Variants in SPAG16 observed in about 807,000 individuals in gnomAD.
SPAG16 encodes the protein sperm-associated antigen 16 protein.
SPAG16 carries 86 observed loss-of-function variants against 80.4 expected under a neutral mutation model. That is an observed-to-expected ratio of 1.07 (90% CI 0.90 to 1.28). SPAG16 has a LOEUF of 1.28. Among genes scored for constraint, SPAG16 ranks in the 50% most tolerant of loss-of-function variants. SPAG16 has a pLI of 0.00. For synonymous variants in SPAG16, 294 were observed against 265.9 expected (o/e 1.11, Z -1.03); for missense variants, 870 against 765.3 (o/e 1.14, Z -1.61).
At chr2:213,878,518 G>A (rs1355753246) in intron 11 of SPAG16, among the ~76,000 whole-genome samples, 2 of 151,768 alleles carry the variant, frequency 1.3e-5, no homozygotes, top group African/African-American at 2.4e-5. Context: ...TTGTTATTGC[G>A]GAGTTTTTTG....
chr2:213,504,343 A>G (rs1301012349), intron 10 of SPAG16, among the ~76,000 whole-genome samples: 1 of 152,230 alleles, frequency 6.6e-6, no homozygotes, highest in East Asian at 1.9e-4. Flanking sequence ...TATGGTAATA[A>G]AACAAAACAT....
At chr2:214,112,595 G>T (rs563829933) in intron 14 of SPAG16, among the ~76,000 whole-genome samples, 1 of 147,392 alleles carries the variant, frequency 6.8e-6, no homozygotes, top group African/African-American at 2.5e-5. Flanking sequence ...GATCTTTGTT[G>T]GTTTAAAGTC....
chr2:213,748,066 T>A (rs2067913184), intron 10 of SPAG16, among the ~76,000 whole-genome samples: 1 of 152,246 alleles, frequency 6.6e-6, no homozygotes, highest in Non-Finnish European at 1.5e-5. Flanking sequence ...TTTGGATTAT[T>A]TAAAAATGTA....
chr2:214,204,026 T>C (rs113559906), intron 15 of SPAG16, among the ~76,000 whole-genome samples: 1 of 152,134 alleles, frequency 6.6e-6, no homozygotes, highest in Non-Finnish European at 1.5e-5. Context: ...TTGGGCTGCA[T>C]AGGAGCTGAT....
chr2:213,670,508 AT>A (rs146079653), intron 10 of SPAG16, among the ~76,000 whole-genome samples: 31 of 150,122 alleles, frequency 2.1e-4, no homozygotes, highest in Admixed American at 6.0e-4. Context: ...CTTATTTGTG[AT>A]TTTTTTTTTC....
chr2:213,351,093 A>G (rs1364468022), intron 7 of SPAG16, among the ~76,000 whole-genome samples: 1 of 152,208 alleles, frequency 6.6e-6, no homozygotes, highest in Non-Finnish European at 1.5e-5. Context: ...GTGAGCCGAG[A>G]TGGCCCCATA....
At chr2:214,056,566 C>G (rs1251596917) in intron 13 of SPAG16, among the ~76,000 whole-genome samples, 1 of 151,786 alleles carries the variant, frequency 6.6e-6, no homozygotes, top group South Asian at 2.1e-4. Flanking sequence ...GAGCCTTCAG[C>G]AAGTTGTAAT....
At chr2:213,905,682 T>A (rs1028030241) in intron 11 of SPAG16, among the ~76,000 whole-genome samples, 1 of 152,090 alleles carries the variant, frequency 6.6e-6, no homozygotes, top group Non-Finnish European at 1.5e-5. Flanking sequence ...AGACAATAAA[T>A]AAGTGCTATA....
chr2:213,734,670 A>C (rs888617395), intron 10 of SPAG16, among the ~76,000 whole-genome samples: 1 of 152,096 alleles, frequency 6.6e-6, no homozygotes, highest in Non-Finnish European at 1.5e-5. Context: ...CCAGAATGCT[A>C]TGGGTTCTTC....
chr2:213,999,136 G>A (rs1278374984), intron 12 of SPAG16, among the ~76,000 whole-genome samples: 2 of 152,308 alleles, frequency 1.3e-5, no homozygotes, highest in East Asian at 1.9e-4. Flanking sequence ...AAGACAATGG[G>A]GAAAATGTCT....
intron 10 of SPAG16, among the ~76,000 whole-genome samples, chr2:213,697,427 G>A (rs1176655096): frequency 6.6e-6 from 1 of 152,056 alleles, no homozygotes; most frequent in Non-Finnish European, 1.5e-5. Flanking sequence ...GCTGAATAAT[G>A]GTCCCCAAAG....
intron 10 of SPAG16, among the ~76,000 whole-genome samples, chr2:213,754,811 CCTTAAGACA>C (rs2068246832): frequency 6.6e-6 from 1 of 152,100 alleles, no homozygotes; most frequent in East Asian, 1.9e-4. Context: ...ACTGTAGAGG[CCTTAAGACA>C]TGTTAAGCAA....
At chr2:214,022,816 T>C (rs1329962505) in intron 13 of SPAG16, among the ~76,000 whole-genome samples, 1 of 152,102 alleles carries the variant, frequency 6.6e-6, no homozygotes, top group Non-Finnish European at 1.5e-5. Context: ...TTTTCCTTTC[T>C]TTCCATTTAT....
At chr2:213,297,480 CTG>C in intron 3 of SPAG16, 123 bp downstream of exon 3, 2 of 548,732 alleles carry the variant, frequency 3.6e-6, no homozygotes, top group Non-Finnish European at 3.2e-6. Flanking sequence ...ATTTTCATCT[CTG>C]TTTATTTGTG....
chr2:213,842,706 T>C (rs191688551), intron 10 of SPAG16, among the ~76,000 whole-genome samples: 81 of 152,284 alleles, frequency 5.3e-4, no homozygotes, highest in Non-Finnish European at 9.7e-4. Flanking sequence ...TTTTCTGTAT[T>C]TCCAGAGTCA....
chr2:213,588,369 A>G (rs2060541701), intron 10 of SPAG16, among the ~76,000 whole-genome samples: 1 of 152,196 alleles, frequency 6.6e-6, no homozygotes, highest in Non-Finnish European at 1.5e-5. Context: ...ATGAGGGTCT[A>G]TAGTAATTTA....
rs139194848 is a variant in SPAG16, at chr2:214,042,707, T to C, written c.1527+28630T>C. Among the ~76,000 whole-genome samples, 299 of 152,282 alleles carry C rather than the reference T, an allele frequency of 2.0e-3. 5 individuals carry two copies. Among genetic ancestry groups the C allele is most frequent in the South Asian group, 0.01 (49 of 4,822 alleles). On this transcript the variant is annotated intron_variant, in intron 13 of 15. Coordinates refer to ENST00000331683, the MANE Select transcript of SPAG16 (RefSeq NM_024532.5). ...TTTTCCTTATTTCTGTGCTTCTCAT[T>C]CCTGATTTGTGTTACAGAGTCTAAA...
chr2:213,319,456 A>C (rs1011583467), intron 5 of SPAG16, among the ~76,000 whole-genome samples: 1 of 151,912 alleles, frequency 6.6e-6, no homozygotes, highest in Non-Finnish European at 1.5e-5. Context: ...TATATTTTAC[A>C]TTAGAAGTGT....
intron 10 of SPAG16, among the ~76,000 whole-genome samples, chr2:213,842,799 C>T (rs1410137976): frequency 6.6e-6 from 1 of 152,152 alleles, no homozygotes; most frequent in African/African-American, 2.4e-5. Context: ...CAGGATCCTG[C>T]TCTGTCACCC....
Sources: gnomAD v4.1 joint callset for allele counts (sites outside exome capture counted in the v4.1 genomes callset) on GRCh38, gnomAD v4.1.1 for gene constraint, MANE v1.5 for transcripts, NCBI Gene and HGNC (gene_info 2026-07-23, HGNC 2026-07-21) for gene names.